The following KCNH8 variants were observed in gnomAD, a reference collection of about 807,000 sequenced individuals.
KCNH8 encodes the protein potassium voltage-gated channel subfamily H member 8.
Under a neutral mutation model 103.6 loss-of-function variants are expected in KCNH8, and 70 were observed. The ratio of observed to expected loss-of-function variants is 0.68; its 90% CI spans 0.56 to 0.82. The LOEUF (loss-of-function observed/expected upper bound fraction) is 0.82, where lower values mean the gene tolerates loss of function less well. KCNH8 is among the 40% of genes least tolerant of loss of function. KCNH8 has a pLI of 0.00. For missense variants in KCNH8, 1,217 were observed against 1,329.9 expected (o/e 0.92, Z 1.32); for synonymous variants, 498 against 489.4 (o/e 1.02, Z -0.23).
chr3:19,517,275 A>T (rs1397832650), intron 14 of KCNH8, among the ~76,000 whole-genome samples: 3 of 152,050 alleles, frequency 2.0e-5, no homozygotes, highest in African/African-American at 7.2e-5. Context: ...TATATCTGCA[A>T]AACAATTTCT....
chr3:19,517,885 C>A, intron 14 of KCNH8, 113 bp from the exon 15 acceptor site: 1 of 809,960 alleles, frequency 1.2e-6, no homozygotes, highest in Non-Finnish European at 2.1e-6. Flanking sequence ...GCACAGACAT[C>A]AGAAAAGGTT....
chr3:19,200,182 T>C (rs1330559165), intron 1 of KCNH8, among the ~76,000 whole-genome samples: 1 of 151,676 alleles, frequency 6.6e-6, no homozygotes, highest in Non-Finnish European at 1.5e-5. Flanking sequence ...GAAGTAAGAG[T>C]GGTGAAAAAA....
At chr3:19,306,256 A>T (rs921163669) in intron 3 of KCNH8, among the ~76,000 whole-genome samples, 2 of 152,136 alleles carry the variant, frequency 1.3e-5, no homozygotes, top group Non-Finnish European at 2.9e-5. Context: ...TACATTTCCT[A>T]AAATCTTACA....
intron 2 of KCNH8, 88 bp downstream of exon 2, chr3:19,253,975 G>C: frequency 1.2e-6 from 1 of 843,596 alleles, no homozygotes; most frequent in Non-Finnish European, 2.0e-6. Flanking sequence ...TCCCATTAAG[G>C]CTTAATGGCA....
chr3:19,278,095 A>G (rs1455778209), intron 2 of KCNH8, among the ~76,000 whole-genome samples: 1 of 152,134 alleles, frequency 6.6e-6, no homozygotes, highest in East Asian at 1.9e-4. Flanking sequence ...CCTGGAGAAT[A>G]GTCTTGAATT....
At chr3:19,515,474 TA>T in intron 14 of KCNH8, 46 bp downstream of exon 14, 1 of 996,100 alleles carries the variant, frequency 1.0e-6, no homozygotes, top group East Asian at 2.9e-5. Context: ...TATTTCTTAT[TA>T]ACTTGTAATG....
At chr3:19,428,966 G>T (rs1051213614) in intron 7 of KCNH8, among the ~76,000 whole-genome samples, 1 of 151,850 alleles carries the variant, frequency 6.6e-6, no homozygotes, top group African/African-American at 2.4e-5. Flanking sequence ...AAATGACTGT[G>T]CCCCCCTTTA....
At chr3:19,336,478 ATTCT>A (rs1156911079) in intron 3 of KCNH8, among the ~76,000 whole-genome samples, 4 of 151,896 alleles carry the variant, frequency 2.6e-5, no homozygotes, top group African/African-American at 9.6e-5. Flanking sequence ...AAGAAGAGAA[ATTCT>A]TTCTTTGGTA....
intron 1 of KCNH8, among the ~76,000 whole-genome samples, chr3:19,235,598 T>C (rs1168672755): frequency 6.6e-6 from 1 of 152,238 alleles, no homozygotes; most frequent in African/African-American, 2.4e-5. Context: ...CTCTTCAATT[T>C]TTATGTCTGA....
intron 3 of KCNH8, among the ~76,000 whole-genome samples, chr3:19,309,907 G>A (rs2065187654): frequency 6.6e-6 from 1 of 151,878 alleles, no homozygotes; most frequent in African/African-American, 2.4e-5. Flanking sequence ...TCATTGGTGG[G>A]TCAAGTGTCT....
At chr3:19,514,973 C>T (rs953766207) in intron 13 of KCNH8, among the ~76,000 whole-genome samples, 1 of 151,422 alleles carries the variant, frequency 6.6e-6, no homozygotes, top group Admixed American at 6.6e-5. Context: ...CATTTTTAAG[C>T]GTGATAAAAG....
intron 12 of KCNH8, among the ~76,000 whole-genome samples, chr3:19,511,895 C>T (rs910467389): frequency 2.6e-5 from 4 of 152,044 alleles, no homozygotes; most frequent in Admixed American, 2.6e-4. Flanking sequence ...GTTATTATAC[C>T]TGTAATATAT....
rs1398465532 is a variant in KCNH8 at position 19,170,805 on chromosome 3, TA to T, written c.76+22011del. Reference sequence around the variant, plus strand: ...ACACACACACATATATATATATATATATATATTTTTTTTTTTTTTTTTGAGA... The same window carrying T: ...ACACACACACATATATATATATATATTATATTTTTTTTTTTTTTTTTGAGA... On this transcript the variant is annotated intron_variant, in intron 1 of 15. Transcript: ENST00000328405. Among the ~76,000 whole-genome samples the T allele has an allele frequency of 5.8e-3, 690 of 118,894 alleles. 32 individuals carry two copies. Among genetic ancestry groups the T allele is most frequent in the African/African-American group, 0.026 (638 of 24,762 alleles). 78.0% of individuals were successfully genotyped at this position (118,894 alleles called of 152,430 possible). A position where few individuals can be genotyped will look rare whatever the true frequency, so the allele number is the denominator to read the frequency against.
intron 3 of KCNH8, among the ~76,000 whole-genome samples, chr3:19,323,789 C>G (rs2065383719): frequency 6.6e-6 from 1 of 152,106 alleles, no homozygotes; most frequent in Non-Finnish European, 1.5e-5. Context: ...ATCTAGCCAC[C>G]CAGTGGAGCA....
At chr3:19,285,491 G>A (rs534950778) in intron 3 of KCNH8, among the ~76,000 whole-genome samples, 1 of 152,214 alleles carries the variant, frequency 6.6e-6, no homozygotes, top group South Asian at 2.1e-4. Context: ...ACGTAGCACA[G>A]GGCATATAGA....
intron 3 of KCNH8, among the ~76,000 whole-genome samples, chr3:19,302,572 A>G (rs1261108975): frequency 6.6e-6 from 1 of 152,174 alleles, no homozygotes; most frequent in Non-Finnish European, 1.5e-5. Flanking sequence ...CTCACCAATC[A>G]TCCCATTAGA....
intron 10 of KCNH8, among the ~76,000 whole-genome samples, chr3:19,452,249 G>T (rs1250528236): frequency 6.6e-6 from 1 of 151,992 alleles, no homozygotes. Flanking sequence ...GCTGGCCATG[G>T]TGGCAGGAGC....
At chr3:19,523,649 G>A (rs1287135180) in intron 15 of KCNH8, among the ~76,000 whole-genome samples, 2 of 151,710 alleles carry the variant, frequency 1.3e-5, no homozygotes, top group Admixed American at 1.3e-4. Flanking sequence ...CATTTCTGTC[G>A]GTATTTTATT....
At chr3:19,231,165 C>T (rs961356343) in intron 1 of KCNH8, among the ~76,000 whole-genome samples, 2 of 152,048 alleles carry the variant, frequency 1.3e-5, no homozygotes, top group Non-Finnish European at 2.9e-5. Flanking sequence ...AAAAGAAGAA[C>T]TATTTTCTTA....
Sources: gnomAD v4.1 joint callset for allele counts (sites outside exome capture counted in the v4.1 genomes callset) on GRCh38, gnomAD v4.1.1 for gene constraint, MANE v1.5 for transcripts, NCBI Gene and HGNC (gene_info 2026-07-23, HGNC 2026-07-21) for gene names.